TRMT11: variants seen among roughly 807,000 people sequenced by gnomAD.
TRMT11 encodes the protein tRNA methyltransferase 11.
TRMT11 carries 53 observed loss-of-function variants against 62.8 expected under a neutral mutation model. That is an observed-to-expected ratio of 0.84 (90% CI 0.68 to 1.06). The LOEUF (loss-of-function observed/expected upper bound fraction) is 1.06. TRMT11 is among the 50% of genes least tolerant of loss of function. The pLI, the probability that TRMT11 is intolerant of heterozygous loss-of-function variation, is 0.00. For missense variants in TRMT11, 556 were observed against 553.4 expected (o/e 1.00, Z -0.05); for synonymous variants, 188 against 190.3 (o/e 0.99, Z 0.10).
chr6:126,061,630 G>T (rs529710817), intron 17 of TRMT11, among the ~76,000 whole-genome samples: 5 of 150,972 alleles, frequency 3.3e-5, no homozygotes, highest in South Asian at 4.2e-4. Context: ...ATCTGCCCAG[G>T]TGCCTATTTC....
intron 1 of TRMT11, among the ~76,000 whole-genome samples, chr6:126,184,635 C>T (rs1413405231): frequency 6.6e-6 from 1 of 152,064 alleles, no homozygotes; most frequent in Non-Finnish European, 1.5e-5. Flanking sequence ...CCCCCTGTAT[C>T]TTTCTCTTGG....
chr6:126,255,302 C>T, the TRMT11 span, among the ~76,000 whole-genome samples: 2 of 152,150 alleles, frequency 1.3e-5, no homozygotes, highest in African/African-American at 2.4e-5. Context: ...TTTAGCACTT[C>T]GAATGGTAAC....
At chr6:126,260,619 G>C in the TRMT11 span, among the ~76,000 whole-genome samples, 1 of 152,096 alleles carries the variant, frequency 6.6e-6, no homozygotes, top group African/African-American at 2.4e-5. Flanking sequence ...TTAGTCTAAT[G>C]GTGATGAATT....
intron 21 of TRMT11, among the ~76,000 whole-genome samples, chr6:126,122,402 A>G (rs1368341355): frequency 6.6e-6 from 1 of 152,140 alleles, no homozygotes; most frequent in Non-Finnish European, 1.5e-5. Flanking sequence ...CATAGAAACC[A>G]GAATCCTTCC....
At chr6:126,020,666 A>T (rs539537598) in intron 11 of TRMT11, among the ~76,000 whole-genome samples, 21 of 152,346 alleles carry the variant, frequency 1.4e-4, no homozygotes, top group African/African-American at 4.6e-4. Flanking sequence ...CGTAATAGAG[A>T]TGTTTTTAAA....
At chr6:126,038,674 T>G in intron 12 of TRMT11, 31 bp from the exon 13 acceptor site, 1 of 1,535,174 alleles carries the variant, frequency 6.5e-7, no homozygotes, top group South Asian at 1.3e-5. Context: ...AAAGAAATAA[T>G]TTTTACATTT....
chr6:126,010,359 A>G (rs1344672672), intron 8 of TRMT11, among the ~76,000 whole-genome samples: 1 of 151,658 alleles, frequency 6.6e-6, no homozygotes, highest in Non-Finnish European at 1.5e-5. Flanking sequence ...ATTTATGTTT[A>G]TATATTGTTT....
intron 21 of TRMT11, among the ~76,000 whole-genome samples, chr6:126,164,188 G>A (rs1052590755): frequency 1.3e-5 from 2 of 152,044 alleles, no homozygotes; most frequent in Non-Finnish European, 1.5e-5. Flanking sequence ...TGTTCTCATT[G>A]GTTTCAAATA....
At chr6:126,195,108 C>G (rs937733945) in intron 1 of TRMT11, among the ~76,000 whole-genome samples, 1 of 152,042 alleles carries the variant, frequency 6.6e-6, no homozygotes, top group African/African-American at 2.4e-5. Context: ...AGAGTGAGAC[C>G]CTGTTATAAA....
At chr6:125,993,628 G>T in intron 1 of TRMT11, 129 bp from the exon 2 acceptor site, 6 of 455,278 alleles carry the variant, frequency 1.3e-5, no homozygotes, top group African/African-American at 2.0e-5. Context: ...GTCTGATGTT[G>T]AAGCTTAAAT....
chr6:126,154,322 G>C (rs1287148388), intron 21 of TRMT11, among the ~76,000 whole-genome samples: 1 of 146,738 alleles, frequency 6.8e-6, no homozygotes, highest in Non-Finnish European at 1.5e-5. Context: ...CAGTAATAAA[G>C]ATATGTGTGT....
At chr6:126,227,769 G>A in the TRMT11 span, among the ~76,000 whole-genome samples, 5 of 152,078 alleles carry the variant, frequency 3.3e-5, no homozygotes, top group African/African-American at 1.2e-4. Flanking sequence ...ATTTACTTCC[G>A]TCTCTCTGTC....
At chr6:126,017,462 C>T (rs1795152806) in intron 11 of TRMT11, among the ~76,000 whole-genome samples, 1 of 152,178 alleles carries the variant, frequency 6.6e-6, no homozygotes, top group Admixed American at 6.5e-5. Context: ...TACTCAGAAA[C>T]TTCTGCTGTT....
intron 21 of TRMT11, among the ~76,000 whole-genome samples, chr6:126,148,668 G>A (rs1335298403): frequency 6.6e-6 from 1 of 151,876 alleles, no homozygotes. Context: ...ACTAATAATA[G>A]TATTATTCCA....
intron 1 of TRMT11, among the ~76,000 whole-genome samples, chr6:126,189,756 C>T (rs1778573538): frequency 6.6e-6 from 1 of 152,046 alleles, no homozygotes; most frequent in South Asian, 2.1e-4. Flanking sequence ...GACATTTTTA[C>T]AAGATAAGTG....
chr6:126,265,576 A>C, the TRMT11 span, among the ~76,000 whole-genome samples: 1 of 152,108 alleles, frequency 6.6e-6, no homozygotes, highest in South Asian at 2.1e-4. Context: ...GTAAACTTTT[A>C]CCATATTAAT....
At chr6:126,021,122 A>C in intron 11 of TRMT11, 38 bp from the exon 12 acceptor site, 1 of 1,611,622 alleles carries the variant, frequency 6.2e-7, no homozygotes. Flanking sequence ...TGGCCCACAC[A>C]TGTGAGTGTT....
chr6:126,208,886 AG>A, the TRMT11 span, among the ~76,000 whole-genome samples: 1 of 152,258 alleles, frequency 6.6e-6, no homozygotes, highest in African/African-American at 2.4e-5. Flanking sequence ...AAGGCCTGGT[AG>A]GGGAAGACTA....
At chr6:126,239,465 G>T in the TRMT11 span, among the ~76,000 whole-genome samples, 1 of 152,064 alleles carries the variant, frequency 6.6e-6, no homozygotes, top group Non-Finnish European at 1.5e-5. Context: ...CTTCACTTAT[G>T]AAGCTTAGTT....
Sources: allele counts gnomAD v4.1 joint callset (sites outside exome capture counted in the v4.1 genomes callset), GRCh38; gene constraint gnomAD v4.1.1; transcripts MANE v1.5; gene names NCBI Gene and HGNC (gene_info 2026-07-23, HGNC 2026-07-21).